HCN1: variants seen among roughly 807,000 people sequenced by gnomAD.
HCN1 encodes the protein potassium/sodium hyperpolarization-activated cyclic nucleotide-gated channel 1.
A neutral mutation model predicts 78.9 loss-of-function variants in HCN1; 13 were observed. That is an observed-to-expected ratio of 0.16 (90% CI 0.11 to 0.26). HCN1 has a LOEUF of 0.26. HCN1 is among the 10% of genes least tolerant of loss of function. HCN1 has a pLI of 1.00. For synonymous variants in HCN1, 552 were observed against 455.5 expected, an observed-to-expected ratio of 1.21 and a Z score of -2.70; for missense variants, 810 against 1,154.3, an observed-to-expected ratio of 0.70 and a Z score of 4.32.
intron 6 of HCN1, among the ~76,000 whole-genome samples, chr5:45,286,184 G>A (rs562590949): frequency 2.0e-5 from 3 of 151,914 alleles, no homozygotes; most frequent in African/African-American, 7.2e-5. Flanking sequence ...TGATAATAAT[G>A]TTATCTTTAC....
chr5:45,375,679 A>G (rs1239009182), intron 4 of HCN1, among the ~76,000 whole-genome samples: 5 of 109,722 alleles, frequency 4.6e-5, no homozygotes, highest in African/African-American at 1.6e-4. Flanking sequence ...TATGATACAT[A>G]TTATATATAA....
chr5:45,457,134 T>C (rs1243809383), intron 3 of HCN1, among the ~76,000 whole-genome samples: 1 of 152,106 alleles, frequency 6.6e-6, no homozygotes, highest in Non-Finnish European at 1.5e-5. Flanking sequence ...AAAGAAAGAT[T>C]GCTCTAGGAA....
At chr5:45,484,164 G>A (rs1371895971) in intron 2 of HCN1, among the ~76,000 whole-genome samples, 1 of 152,098 alleles carries the variant, frequency 6.6e-6, no homozygotes, top group Non-Finnish European at 1.5e-5. Flanking sequence ...CAGGCTCAGT[G>A]GCTCATGCCT....
chr5:45,262,140 G>A lies in HCN1; in HGVS notation c.2454C>T (p.Pro818=), dbSNP rs747153982. 6 of 1,613,542 alleles carry A rather than the reference G, an allele frequency of 3.7e-6. No individual in the cohort carries two copies. Among genetic ancestry groups the A allele is most frequent in the Non-Finnish European group, 5.1e-6 (6 of 1,179,712 alleles). ...GGCCCGTTCCGGGGACCGCCGTCAC[G>A]GGTTGAGGGATGGAGGCCAGGGACT... ...VGESLASIPQ[P]VTAVPGTGLQ... The change falls in exon 8 of 8, where the codon CCC becomes CCT. Residue 818 remains proline (P), a synonymous_variant. Transcript: ENST00000303230.
intron 2 of HCN1, among the ~76,000 whole-genome samples, chr5:45,595,500 G>A (rs1335201083): frequency 2.0e-5 from 3 of 151,894 alleles, no homozygotes; most frequent in Non-Finnish European, 4.4e-5. Flanking sequence ...ACCACATCAG[G>A]CTATATTGAA....
intron 6 of HCN1, 97 bp from the exon 7 acceptor site, chr5:45,267,350 G>GA: frequency 4.6e-6 from 5 of 1,097,256 alleles, no homozygotes; most frequent in East Asian, 2.4e-5. Flanking sequence ...CTCATGGTGT[G>GA]AAAAAACAAT....
intron 2 of HCN1, among the ~76,000 whole-genome samples, chr5:45,620,854 A>C (rs1349062573): frequency 6.6e-6 from 1 of 152,130 alleles, no homozygotes; most frequent in Non-Finnish European, 1.5e-5. Flanking sequence ...TACTTTAAGG[A>C]TCTATTCATT....
chr5:45,553,253 G>A (rs1212626082), intron 2 of HCN1, among the ~76,000 whole-genome samples: 1 of 151,728 alleles, frequency 6.6e-6, no homozygotes. Flanking sequence ...ATTCTTCTGA[G>A]GCCCCATTCA....
chr5:45,334,275 T>A (rs1279413206), intron 5 of HCN1, among the ~76,000 whole-genome samples: 2 of 151,862 alleles, frequency 1.3e-5, no homozygotes, highest in Non-Finnish European at 2.9e-5. Context: ...ATTTTGGAAA[T>A]ACAGGCATGT....
intron 7 of HCN1, among the ~76,000 whole-genome samples, chr5:45,263,815 C>T (rs1049754004): frequency 8.6e-5 from 13 of 151,944 alleles, no homozygotes; most frequent in East Asian, 1.9e-4. Context: ...TTTTTTGAGA[C>T]GGAGTCTCGC....
intron 6 of HCN1, among the ~76,000 whole-genome samples, chr5:45,295,560 C>A (rs1467134332): frequency 6.6e-6 from 1 of 151,958 alleles, no homozygotes; most frequent in African/African-American, 2.4e-5. Context: ...TTATACTGAT[C>A]TAGAAACATA....
At chr5:45,593,038 C>T (rs1425555661) in intron 2 of HCN1, among the ~76,000 whole-genome samples, 1 of 152,140 alleles carries the variant, frequency 6.6e-6, no homozygotes, top group African/African-American at 2.4e-5. Context: ...AAAATATCTA[C>T]TTGTTTATTT....
At chr5:45,452,002 G>A (rs1411418141) in intron 3 of HCN1, among the ~76,000 whole-genome samples, 1 of 151,900 alleles carries the variant, frequency 6.6e-6, no homozygotes, top group African/African-American at 2.4e-5. Context: ...TATAATTAGA[G>A]ACCATTTTAA....
intron 5 of HCN1, among the ~76,000 whole-genome samples, chr5:45,350,516 T>C (rs1459277727): frequency 2.6e-5 from 4 of 151,830 alleles, no homozygotes; most frequent in Non-Finnish European, 5.9e-5. Context: ...TGTTGGAAGT[T>C]CTGGCCAGGG....
intron 4 of HCN1, among the ~76,000 whole-genome samples, chr5:45,372,114 A>ATTAT (rs1747396597): frequency 1.8e-5 from 1 of 54,290 alleles, no homozygotes; most frequent in African/African-American, 1.1e-4. Context: ...ATATAATATA[A>ATTAT]TTATATATTA....
chr5:45,682,728 T>G (rs1257527218), intron 1 of HCN1, among the ~76,000 whole-genome samples: 1 of 151,822 alleles, frequency 6.6e-6, no homozygotes, highest in African/African-American at 2.4e-5. Flanking sequence ...AACGAAACAT[T>G]AAGTATGATA....
At position 45,461,852 on chromosome 5, in the gene HCN1, T is replaced by C. The variant is rs1561164051; in HGVS notation, c.1005A>G (p.Glu335=). 6.2e-7 allele frequency: 1 copy of C among 1,613,004 alleles called. No homozygotes were observed. Among genetic ancestry groups the C allele is most frequent in the East Asian group, 2.2e-5 (1 of 44,836 alleles). The change falls in exon 3 of 8, where the codon GAA becomes GAG. Residue 335 remains glutamate (E), a synonymous_variant. Coordinates refer to ENST00000303230, the MANE Select transcript of HCN1 (RefSeq NM_021072.4). ...AATAACAGAATTTACTTACAACCAT[T>C]TCATTTAAAGACACCCAGCAATCTG... ...FPPDCWVSLN[E]MVNDSWGKQY...
chr5:45,424,983 C>G (rs1042208297), intron 3 of HCN1, among the ~76,000 whole-genome samples: 4 of 152,056 alleles, frequency 2.6e-5, no homozygotes, highest in African/African-American at 9.7e-5. Context: ...ATCTCATTAA[C>G]GGTCCATAGT....
intron 2 of HCN1, among the ~76,000 whole-genome samples, chr5:45,626,993 GTA>G (rs1277951456): frequency 2.0e-5 from 3 of 149,554 alleles, no homozygotes; most frequent in Non-Finnish European, 1.5e-5. Context: ...TATATAACAT[GTA>G]TATATATATA....
Sources: gnomAD v4.1 joint callset for allele counts (sites outside exome capture counted in the v4.1 genomes callset) on GRCh38, gnomAD v4.1.1 for gene constraint, MANE v1.5 for transcripts, NCBI Gene and HGNC (gene_info 2026-07-23, HGNC 2026-07-21) for gene names.